Variants in DOCK3 observed in about 807,000 individuals in gnomAD.
DOCK3 encodes dedicator of cytokinesis 3, also known as dedicator of cytokinesis protein 3.
Under a neutral mutation model 265.6 loss-of-function variants are expected in DOCK3, and 60 were observed. That is an observed-to-expected ratio of 0.23 (90% CI 0.18 to 0.28). The LOEUF is 0.28. Ranked by LOEUF, DOCK3 falls within the 10% of genes least tolerant of loss-of-function variation. The pLI, the probability that DOCK3 is intolerant of heterozygous loss-of-function variation, is 1.00. For missense variants in DOCK3, 1,981 were observed against 2,594.3 expected, an observed-to-expected ratio of 0.76 and a Z score of 5.14; for synonymous variants, 881 against 938.0, an observed-to-expected ratio of 0.94 and a Z score of 1.11.
intron 4 of DOCK3, among the ~76,000 whole-genome samples, chr3:50,923,238 A>G (rs566043689): frequency 6.6e-6 from 1 of 152,264 alleles, no homozygotes; most frequent in South Asian, 2.1e-4. Context: ...TGTGTGTGCA[A>G]GCATCTTTTT....
chr3:51,066,130 G>A (rs1048244950), intron 6 of DOCK3, among the ~76,000 whole-genome samples: 1 of 151,928 alleles, frequency 6.6e-6, no homozygotes, highest in African/African-American at 2.4e-5. Context: ...CAAATATATA[G>A]GCAATACATG....
intron 49 of DOCK3, among the ~76,000 whole-genome samples, chr3:51,363,343 G>A (rs572195255): frequency 2.6e-4 from 40 of 152,336 alleles, no homozygotes; most frequent in African/African-American, 8.9e-4. Flanking sequence ...ATAGGATCTA[G>A]TGCTTCCCAG....
At chr3:50,677,832 T>G (rs1051583816) in intron 1 of DOCK3, among the ~76,000 whole-genome samples, 4 of 152,224 alleles carry the variant, frequency 2.6e-5, no homozygotes, top group Non-Finnish European at 4.4e-5. Context: ...GGTTATAACA[T>G]GACTGAATTG....
intron 5 of DOCK3, among the ~76,000 whole-genome samples, chr3:50,975,817 A>G (rs1277271184): frequency 6.6e-6 from 1 of 151,586 alleles, no homozygotes; most frequent in Non-Finnish European, 1.5e-5. Flanking sequence ...CCACAATTTC[A>G]GATCCTGTTA....
intron 3 of DOCK3, among the ~76,000 whole-genome samples, chr3:50,875,813 A>G (rs1463873175): frequency 2.0e-5 from 3 of 151,942 alleles, no homozygotes; most frequent in Non-Finnish European, 2.9e-5. Flanking sequence ...TGCTTGCCTC[A>G]TAGAATGAAG....
intron 3 of DOCK3, among the ~76,000 whole-genome samples, chr3:50,864,444 A>G (rs1318807613): frequency 6.6e-6 from 1 of 152,032 alleles, no homozygotes; most frequent in Non-Finnish European, 1.5e-5. Flanking sequence ...CTTTAGTTTG[A>G]TATAATCCCA....
chr3:50,814,096 T>C lies in DOCK3; in HGVS notation c.122-27579T>C, dbSNP rs2043923301. On this transcript the variant is annotated intron_variant, in intron 2 of 52. Coordinates refer to ENST00000266037, the MANE Select transcript of DOCK3 (RefSeq NM_004947.5). Reference sequence around the variant, plus strand: ...TACTAGTATTTTCTTTTCCAAATACTTCATGATAGATTTTAAAATAAAACT... The same window carrying C: ...TACTAGTATTTTCTTTTCCAAATACCTCATGATAGATTTTAAAATAAAACT... Among the ~76,000 whole-genome samples the C allele has an allele frequency of 2.0e-5, 3 of 152,240 alleles. No individual in the cohort carries two copies. In the South Asian group the frequency reaches 6.2e-4, roughly 32 times the overall value.
chr3:50,870,679 T>C (rs1054936102), intron 3 of DOCK3, among the ~76,000 whole-genome samples: 1 of 152,126 alleles, frequency 6.6e-6, no homozygotes, highest in Non-Finnish European at 1.5e-5. Flanking sequence ...TTTGTTGTCT[T>C]CTCTTTTTTC....
chr3:51,247,512 CTT>C (rs2078896057), intron 22 of DOCK3, among the ~76,000 whole-genome samples: 1 of 152,244 alleles, frequency 6.6e-6, no homozygotes, highest in Admixed American at 6.5e-5. Flanking sequence ...TTTCTGTCCT[CTT>C]TTAATATCAC....
intron 2 of DOCK3, among the ~76,000 whole-genome samples, chr3:50,827,943 A>T (rs1244155027): frequency 2.0e-5 from 3 of 147,912 alleles, no homozygotes; most frequent in Non-Finnish European, 4.5e-5. Context: ...AGTTTGAAAC[A>T]TGCACTCTTT....
intron 5 of DOCK3, among the ~76,000 whole-genome samples, chr3:51,049,552 A>T (rs528286288): frequency 6.6e-6 from 1 of 152,056 alleles, no homozygotes; most frequent in East Asian, 1.9e-4. Context: ...TTTGCCTGTG[A>T]CCCATCATAT....
intron 6 of DOCK3, among the ~76,000 whole-genome samples, chr3:51,068,539 GAA>G (rs1160597168): frequency 2.2e-5 from 1 of 45,702 alleles, no homozygotes; most frequent in African/African-American, 6.9e-5. Flanking sequence ...GACTCCGTCT[GAA>G]AAAAAAAAAA....
At chr3:51,082,301 G>T (rs372679766) in intron 7 of DOCK3, among the ~76,000 whole-genome samples, 3 of 151,766 alleles carry the variant, frequency 2.0e-5, no homozygotes, top group African/African-American at 7.3e-5. Context: ...CAACACACCC[G>T]AATCTCCACA....
chr3:51,001,996 G>T (rs1406217744), intron 5 of DOCK3, among the ~76,000 whole-genome samples: 1 of 151,980 alleles, frequency 6.6e-6, no homozygotes, highest in Non-Finnish European at 1.5e-5. Context: ...TATAGGGATT[G>T]CATTGAATCA....
At chr3:51,358,878 A>C (rs945687637) in intron 46 of DOCK3, among the ~76,000 whole-genome samples, 1 of 152,194 alleles carries the variant, frequency 6.6e-6, no homozygotes, top group Admixed American at 6.5e-5. Flanking sequence ...AGAGCCCCCT[A>C]TTCACATATC....
At chr3:51,139,259 G>C (rs549000943) in intron 9 of DOCK3, among the ~76,000 whole-genome samples, 14 of 150,570 alleles carry the variant, frequency 9.3e-5, no homozygotes, top group Non-Finnish European at 1.3e-4. Flanking sequence ...TGCAGTGGGG[G>C]GAGGGCTAAG....
chr3:50,707,723 A>G lies in DOCK3; in HGVS notation c.37+32423A>G, dbSNP rs970173625. Among the ~76,000 whole-genome samples the G allele has an allele frequency of 2.0e-5, 3 of 151,992 alleles. 1 individual carries two copies. Among genetic ancestry groups the G allele is most frequent in the South Asian group, 4.1e-4 (2 of 4,824 alleles). On this transcript the variant is annotated intron_variant, in intron 1 of 52. Coordinates refer to ENST00000266037, the MANE Select transcript of DOCK3 (RefSeq NM_004947.5). ...CCTTCTGGTGTCATGCTCAGATGCT[A>G]GTGATTACAGTGGTGGGCTGAGTGG...
intron 5 of DOCK3, among the ~76,000 whole-genome samples, chr3:51,008,814 GT>G (rs543753225): frequency 9.2e-5 from 14 of 152,274 alleles, no homozygotes; most frequent in Admixed American, 6.5e-4. Flanking sequence ...TTTATTGAGA[GT>G]TTTTAGCATG....
intron 9 of DOCK3, among the ~76,000 whole-genome samples, chr3:51,131,483 C>T (rs1034644318): frequency 6.6e-6 from 1 of 152,102 alleles, no homozygotes; most frequent in African/African-American, 2.4e-5. Flanking sequence ...ACCTGGCCTC[C>T]CTCCATTCAA....
Sources: allele counts gnomAD v4.1 joint callset (sites outside exome capture counted in the v4.1 genomes callset), GRCh38; gene constraint gnomAD v4.1.1; transcripts MANE v1.5; gene names NCBI Gene and HGNC (gene_info 2026-07-23, HGNC 2026-07-21).